The following CCDC14 variants were observed in gnomAD, a reference collection of about 807,000 sequenced individuals.
CCDC14 encodes the protein coiled-coil domain containing 14, also known as coiled-coil domain-containing protein 14.
In CCDC14, 71 loss-of-function variants were observed where a neutral mutation model predicts 81.4. That is an observed-to-expected ratio of 0.87 (90% CI 0.72 to 1.06). The LOEUF is 1.06. Among genes scored for constraint, CCDC14 ranks in the 50% least tolerant of loss-of-function variants. The pLI is 0.00. For missense variants in CCDC14, 1,046 were observed against 1,047.3 expected, an observed-to-expected ratio of 1.00 and a Z score of 0.02; for synonymous variants, 332 against 364.8, an observed-to-expected ratio of 0.91 and a Z score of 1.03.
chr3:123,944,267 A>G (rs893031126), intron 9 of CCDC14, among the ~76,000 whole-genome samples: 3 of 152,124 alleles, frequency 2.0e-5, no homozygotes, highest in African/African-American at 7.2e-5. Flanking sequence ...TTTTAACATA[A>G]TGTCCCAGAC....
At chr3:123,894,411 C>G (rs1351051884), downstream of CCDC14, among the ~76,000 whole-genome samples, 1 of 152,036 alleles carries the variant, frequency 6.6e-6, no homozygotes, top group Admixed American at 6.6e-5. Flanking sequence ...TTTTGTTGTT[C>G]TTTTTCAAGA....
At chr3:123,889,272 G>C in the CCDC14 span, among the ~76,000 whole-genome samples, 3 of 152,174 alleles carry the variant, frequency 2.0e-5, no homozygotes, top group Admixed American at 6.5e-5. Flanking sequence ...AATTAGCCAA[G>C]TGTGGTGGCA....
intron 9 of CCDC14, among the ~76,000 whole-genome samples, chr3:123,938,566 C>T (rs2036181294): frequency 6.6e-6 from 1 of 151,816 alleles, no homozygotes; most frequent in African/African-American, 2.4e-5. Flanking sequence ...TACTTCTTTC[C>T]TTTCCAATGT....
chr3:123,957,975 T>C (rs2037433544), intron 1 of CCDC14: 1 of 152,098 alleles, frequency 6.6e-6, no homozygotes, highest in African/African-American at 2.4e-5. Context: ...TATACGGCAT[T>C]CTATTATATG....
chr3:123,948,911 C>G lies in CCDC14; in HGVS notation c.574G>C (p.Ala192Pro). 2 of 1,613,210 alleles carry G rather than the reference C, an allele frequency of 1.2e-6. No homozygotes were observed. Among genetic ancestry groups the G allele is most frequent in the Non-Finnish European group, 1.7e-6 (2 of 1,179,248 alleles). Residue 192 changes from alanine (A) to proline (P), a missense_variant, in exon 6 of 13, where the codon GCT becomes CCT. Ala to Pro is a conservative substitution (Grantham distance 27, BLOSUM62 -1). Transcript: ENST00000409697. ...PNGIPAVPCH[A>P]PSHSESQATP... is the part of the protein sequence containing the mutation. ...TCGTACTCACCAGAATGAGAGGGAGCATGGCATGGTACAGCAGGAATTCCA... is the reference window on the plus strand; with the variant it reads ...TCGTACTCACCAGAATGAGAGGGAGGATGGCATGGTACAGCAGGAATTCCA...
chr3:123,886,797 G>C, the CCDC14 span, among the ~76,000 whole-genome samples: 3 of 152,102 alleles, frequency 2.0e-5, no homozygotes, highest in Non-Finnish European at 4.4e-5. Flanking sequence ...CTTTTCAATA[G>C]ACAGAGCTAC....
chr3:123,900,477 A>G (rs754214698), intron 5 of CCDC14, among the ~76,000 whole-genome samples: 1 of 152,200 alleles, frequency 6.6e-6, no homozygotes, highest in African/African-American at 2.4e-5. Context: ...CCATAACTGA[A>G]CAGTCTTAGA....
the CCDC14 span, among the ~76,000 whole-genome samples, chr3:123,892,029 C>G: frequency 6.6e-6 from 1 of 152,140 alleles, no homozygotes; most frequent in Non-Finnish European, 1.5e-5. Context: ...CAGGGAAACT[C>G]CCATTTTTAA....
At chr3:123,959,843 T>G (rs2037568817) in intron 1 of CCDC14, among the ~76,000 whole-genome samples, 1 of 151,646 alleles carries the variant, frequency 6.6e-6, no homozygotes, top group South Asian at 2.1e-4. Flanking sequence ...ATCCTGTGTT[T>G]TCTACTTTTA....
Position 123,915,427 on chromosome 3 carries a change from A to G in CCDC14, c.2070T>C (p.Thr690=). The change falls in exon 13 of 13, where the codon ACT becomes ACC. Residue 690 remains threonine (T), a synonymous_variant. Coordinates refer to ENST00000409697, the MANE Select transcript of CCDC14 (RefSeq NM_001366335.1). ...LSSRGPQNSN[T]RGMEEASAPG... ...GTGCAGATGCTTCCTCCATGCCCCT[A>G]GTGTTACTATTTTGAGGGCCTCTGG... 1 of 1,613,978 alleles carries G rather than the reference A, an allele frequency of 6.2e-7. No individual in the cohort carries two copies. The highest frequency in any genetic ancestry group is 8.5e-7 in the Non-Finnish European group (1 of 1,179,892).
At chr3:123,924,239 A>G (rs1021455280) in intron 12 of CCDC14, among the ~76,000 whole-genome samples, 2 of 152,166 alleles carry the variant, frequency 1.3e-5, no homozygotes, top group African/African-American at 4.8e-5. Flanking sequence ...ATCCACGTAC[A>G]GAAGAATGGA....
Position 123,923,229 on chromosome 3 carries a change from A to C in CCDC14, c.1779-7511T>G, listed in dbSNP as rs550747341. On this transcript the variant is annotated intron_variant, in intron 12 of 12. Coordinates refer to ENST00000409697, the MANE Select transcript of CCDC14 (RefSeq NM_001366335.1). ...GAAAATGCACTTGATACATTTCAACACTCTTTCATGAAAAAACTCTCAAAA... is the reference window on the plus strand; with the variant it reads ...GAAAATGCACTTGATACATTTCAACCCTCTTTCATGAAAAAACTCTCAAAA... Among the ~76,000 whole-genome samples, 3 of 152,110 alleles carry C rather than the reference A, an allele frequency of 2.0e-5. No individual in the cohort carries two copies. The East Asian group carries it at 5.8e-4, about 29-fold the overall frequency.
rs1237592154 is a variant in CCDC14, at chr3:123,933,790, T to C, written c.1344-35A>G. ...TAATGAAGAACTATGAATGCAAGCATACCAAGCCAATTTAATAGTATACAT... is the reference window on the plus strand; with the variant it reads ...TAATGAAGAACTATGAATGCAAGCACACCAAGCCAATTTAATAGTATACAT... On this transcript the variant is annotated intron_variant, in intron 9 of 12. Coordinates refer to ENST00000409697, the MANE Select transcript of CCDC14 (RefSeq NM_001366335.1). 4.9e-6 allele frequency: 7 copies of C among 1,427,076 alleles called. No homozygotes were observed. In the South Asian group the frequency reaches 7.4e-5, roughly 15 times the overall value. 88.4% of individuals were successfully genotyped at this position (1,427,076 alleles called of 1,614,324 possible).
intron 12 of CCDC14, among the ~76,000 whole-genome samples, chr3:123,924,508 T>C (rs1356753299): frequency 6.6e-6 from 1 of 152,074 alleles, no homozygotes; most frequent in Non-Finnish European, 1.5e-5. Context: ...AGACAAGCCA[T>C]GGTGTGGGAG....
At position 123,931,386 on chromosome 3, in the gene CCDC14, T is replaced by C. The variant is rs756104684; in HGVS notation, c.1567A>G (p.Ser523Gly). 2.0e-6 allele frequency: 3 copies of C among 1,523,306 alleles called. No individual in the cohort carries two copies. The highest frequency in any genetic ancestry group is 2.7e-6 in the Non-Finnish European group (3 of 1,121,440). The allele number at this position is 1,523,306 out of a possible 1,614,324, so 94.4% of individuals were successfully genotyped here. ...NQKDENKKFS[S>G]IFKDKDQTIL... Reference sequence around the variant, plus strand: ...GTTTGATCTTTGTCTTTAAATATACTACTAAATTTTTTGTTTTCATCTTTC... The same window carrying C: ...GTTTGATCTTTGTCTTTAAATATACCACTAAATTTTTTGTTTTCATCTTTC... Residue 523 changes from serine (S) to glycine (G), a missense_variant, in exon 11 of 13, where the codon AGT becomes GGT. Ser to Gly is a moderately conservative substitution (Grantham distance 56). Coordinates refer to ENST00000409697, the MANE Select transcript of CCDC14 (RefSeq NM_001366335.1).
At chr3:123,898,546 C>G (rs1577195358) in intron 5 of CCDC14, among the ~76,000 whole-genome samples, 1 of 152,136 alleles carries the variant, frequency 6.6e-6, no homozygotes, top group African/African-American at 2.4e-5. Flanking sequence ...TGAGTGGCAG[C>G]TGGAGAGGTG....
At chr3:123,939,227 T>C (rs1036416934) in intron 9 of CCDC14, among the ~76,000 whole-genome samples, 1 of 151,862 alleles carries the variant, frequency 6.6e-6, no homozygotes, top group Non-Finnish European at 1.5e-5. Context: ...TAAATGATAT[T>C]CTATGATCCC....
At chr3:123,906,373 AAAG>A (rs1414758044) in intron 5 of CCDC14, among the ~76,000 whole-genome samples, 1 of 150,852 alleles carries the variant, frequency 6.6e-6, no homozygotes, top group Non-Finnish European at 1.5e-5. Context: ...AATAAATAAA[AAAG>A]AAAGATCACA....
In CCDC14 at chr3:123,913,960, TG is replaced by T. The variant is rs2034519921; in HGVS notation, c.*818del. The T allele has an allele frequency of 1.0e-6, 1 of 985,394 alleles. No homozygotes were observed. Among genetic ancestry groups the T allele is most frequent in the South Asian group, 4.7e-5 (1 of 21,264 alleles). 61.0% of individuals were successfully genotyped at this position (985,394 alleles called of 1,614,324 possible). A position where few individuals can be genotyped will look rare whatever the true frequency, so the allele number is the denominator to read the frequency against. On this transcript the variant is annotated 3_prime_UTR_variant, in exon 13 of 13. Transcript: ENST00000409697. ...TAGAGAATATTCTCAGCTAACATGC[TG>T]GGAGAAAAAATTCTTCCAAAAAGGC... is the stretch of plus-strand genomic sequence containing the variant.
Sources: gnomAD v4.1 joint callset for allele counts (sites outside exome capture counted in the v4.1 genomes callset) on GRCh38, gnomAD v4.1.1 for gene constraint, MANE v1.5 for transcripts, NCBI Gene and HGNC (gene_info 2026-07-23, HGNC 2026-07-21) for gene names.